The following MGMT variants were observed in gnomAD, a reference collection of about 807,000 sequenced individuals.
MGMT encodes O-6-methylguanine-DNA methyltransferase.
MGMT carries 14 observed loss-of-function variants against 15.9 expected under a neutral mutation model. That is an observed-to-expected ratio of 0.88 (90% CI 0.58 to 1.37). The LOEUF is 1.37. Among genes scored for constraint, MGMT ranks in the 40% most tolerant of loss-of-function variants. The pLI, the probability that MGMT is intolerant of heterozygous loss-of-function variation, is 0.00. For synonymous variants in MGMT, 130 were observed against 118.2 expected (o/e 1.10, Z -0.65); for missense variants, 282 against 268.1 (o/e 1.05, Z -0.36).
At chr10:129,546,703 C>G (rs1206896338) in intron 2 of MGMT, among the ~76,000 whole-genome samples, 2 of 152,116 alleles carry the variant, frequency 1.3e-5, no homozygotes, top group African/African-American at 4.8e-5. Context: ...CGGAGAGGAG[C>G]ATCTCTCCTC....
At position 129,665,891 on chromosome 10, in the gene MGMT, T is replaced by C. The variant is rs148382952; in HGVS notation, c.126-42004T>C. Among the ~76,000 whole-genome samples, 30 of 152,314 alleles carry C rather than the reference T, an allele frequency of 2.0e-4. No homozygotes were observed. The East Asian group carries it at 5.0e-3, about 25-fold the overall frequency. On this transcript the variant is annotated intron_variant, in intron 2 of 4. Coordinates refer to ENST00000651593, the MANE Select transcript of MGMT (RefSeq NM_002412.5). ...AAAGTGTATTGTGGGAGAGACTTAA[T>C]TGGGACAATTGATGAAATTGGCTAT...
intron 2 of MGMT, among the ~76,000 whole-genome samples, chr10:129,604,371 A>G (rs147180564): frequency 4.1e-4 from 62 of 152,322 alleles, no homozygotes; most frequent in Non-Finnish European, 6.9e-4. Flanking sequence ...TCTTCTGAAA[A>G]AAAAATTCTT....
At chr10:129,766,643 C>A in intron 4 of MGMT, 145 bp from the exon 5 acceptor site, 1 of 687,640 alleles carries the variant, frequency 1.5e-6, no homozygotes, top group African/African-American at 1.8e-5. Flanking sequence ...ACATAGCTGA[C>A]ACCCACCCAT....
Position 129,557,257 on chromosome 10 carries a change from C to G in MGMT, c.125+20880C>G, listed in dbSNP as rs190296270. On this transcript the variant is annotated intron_variant, in intron 2 of 4. Transcript: ENST00000651593. ...AAATGTACTCGCCCTGTATCTTGGT[C>G]TTCTCCTAGCAGTATCTTGTCTGAC... Among the ~76,000 whole-genome samples, 40 of 152,278 alleles carry G rather than the reference C, an allele frequency of 2.6e-4. 1 individual carries two copies. In the East Asian group the frequency reaches 6.8e-3, roughly 26 times the overall value.
At chr10:129,602,381 G>A (rs1375187304) in intron 2 of MGMT, among the ~76,000 whole-genome samples, 4 of 152,140 alleles carry the variant, frequency 2.6e-5, no homozygotes, top group African/African-American at 4.8e-5. Context: ...AAGTACCTGA[G>A]CCTAGAGCCC....
intron 2 of MGMT, among the ~76,000 whole-genome samples, chr10:129,696,559 A>G (rs1186293813): frequency 1.3e-5 from 2 of 152,222 alleles, no homozygotes; most frequent in Non-Finnish European, 2.9e-5. Flanking sequence ...TCTTCCCCCT[A>G]GGGAATGGTT....
chr10:129,616,231 C>A (rs1053631345), intron 2 of MGMT, among the ~76,000 whole-genome samples: 5 of 152,222 alleles, frequency 3.3e-5, no homozygotes, highest in Non-Finnish European at 7.3e-5. Context: ...TACATACATG[C>A]CACACGCATG....
At chr10:129,544,697 G>A (rs1846080985) in intron 2 of MGMT, among the ~76,000 whole-genome samples, 1 of 152,238 alleles carries the variant, frequency 6.6e-6, no homozygotes, top group African/African-American at 2.4e-5. Flanking sequence ...CCCTGTGTCT[G>A]CGCTGGGCTT....
chr10:129,690,874 C>G (rs935811241), intron 2 of MGMT, among the ~76,000 whole-genome samples: 2 of 152,118 alleles, frequency 1.3e-5, no homozygotes, highest in Non-Finnish European at 2.9e-5. Context: ...GGATCTGATT[C>G]TGAGTATGTG....
intron 1 of MGMT, among the ~76,000 whole-genome samples, chr10:129,506,591 A>T (rs1316188859): frequency 6.6e-6 from 1 of 151,966 alleles, no homozygotes; most frequent in South Asian, 2.1e-4. Flanking sequence ...CCTCGATGCT[A>T]TTGTAGATGT....
At chr10:129,518,440 T>A (rs1452012748) in intron 1 of MGMT, among the ~76,000 whole-genome samples, 4 of 136,908 alleles carry the variant, frequency 2.9e-5, no homozygotes. Flanking sequence ...TTCTTCTACC[T>A]CAGCCACCGC....
chr10:129,644,621 A>C (rs554439540), intron 2 of MGMT, among the ~76,000 whole-genome samples: 2 of 152,232 alleles, frequency 1.3e-5, no homozygotes, highest in Non-Finnish European at 1.5e-5. Flanking sequence ...CGAGGCCTCA[A>C]TTCCTGCTTC....
chr10:129,764,075 A>C (rs1438999758), intron 4 of MGMT, among the ~76,000 whole-genome samples: 1 of 152,218 alleles, frequency 6.6e-6, no homozygotes, highest in Non-Finnish European at 1.5e-5. Flanking sequence ...CTGTCACCCC[A>C]CAAGGTCCCA....
intron 3 of MGMT, among the ~76,000 whole-genome samples, chr10:129,726,017 A>G (rs192284826): frequency 1.3e-5 from 2 of 152,206 alleles, no homozygotes; most frequent in Admixed American, 1.3e-4. Context: ...GCCTTGGGAG[A>G]GGAGTGTGTT....
At chr10:129,706,551 G>A (rs1309408565) in intron 2 of MGMT, among the ~76,000 whole-genome samples, 1 of 151,874 alleles carries the variant, frequency 6.6e-6, no homozygotes, top group Non-Finnish European at 1.5e-5. Context: ...GTCTGCAGAA[G>A]GAAACTAGAA....
chr10:129,559,951 C>T (rs1255692959), intron 2 of MGMT, among the ~76,000 whole-genome samples: 4 of 152,150 alleles, frequency 2.6e-5, no homozygotes, highest in African/African-American at 9.7e-5. Context: ...GGAAGGTTGA[C>T]GTGCTCCAAG....
At chr10:129,524,060 T>C (rs1190824296) in intron 1 of MGMT, among the ~76,000 whole-genome samples, 1 of 152,184 alleles carries the variant, frequency 6.6e-6, no homozygotes, top group Admixed American at 6.5e-5. Context: ...GGTGCACTGG[T>C]ACCTACTGTG....
chr10:129,626,690 A>C (rs1589901363), intron 2 of MGMT, among the ~76,000 whole-genome samples: 1 of 152,174 alleles, frequency 6.6e-6, no homozygotes, highest in Admixed American at 6.5e-5. Flanking sequence ...TTCCAGCTAC[A>C]CCAGCCTGAC....
chr10:129,632,648 G>C (rs975700241), intron 2 of MGMT, among the ~76,000 whole-genome samples: 1 of 152,184 alleles, frequency 6.6e-6, no homozygotes, highest in African/African-American at 2.4e-5. Flanking sequence ...TGCTCCGGGG[G>C]ATGTCGGCCC....
Sources: gnomAD v4.1 joint callset for allele counts (sites outside exome capture counted in the v4.1 genomes callset) on GRCh38, gnomAD v4.1.1 for gene constraint, MANE v1.5 for transcripts, NCBI Gene and HGNC (gene_info 2026-07-23, HGNC 2026-07-21) for gene names.